Variants in IDS observed in about 807,000 individuals in gnomAD.
The protein encoded by IDS is alpha-L-iduronate sulfate sulfatase.
Under a neutral mutation model 33.5 loss-of-function variants are expected in IDS, and 1 was observed. That is an observed-to-expected ratio of 0.03 (90% CI 0.01 to 0.14). The LOEUF is 0.14. Ranked by LOEUF, IDS falls within the 10% of genes least tolerant of loss-of-function variation. The probability of loss-of-function intolerance (pLI) is 1.00; values close to 1 mark genes in which losing one functional copy is unlikely to be tolerated. For missense variants in IDS, 328 were observed against 448.0 expected (o/e 0.73, Z 2.42); for synonymous variants, 191 against 184.4 (o/e 1.04, Z -0.29).
At chrX:149,495,985 G>A (rs782150738) in intron 6 of IDS, among the ~76,000 whole-genome samples, 17 of 112,322 alleles carry the variant, frequency 1.5e-4, no homozygotes, top group African/African-American at 5.5e-4. Flanking sequence ...TGGGCTGCTC[G>A]GGAGTTGCCC....
chrX:149,493,246 CAGAA>C (rs1269548770), intron 6 of IDS, among the ~76,000 whole-genome samples: 2 of 112,237 alleles, frequency 1.8e-5, no homozygotes, highest in Admixed American at 1.9e-4. Context: ...GTGGCAGACA[CAGAA>C]AGGATTGGGA....
intron 6 of IDS, chrX:149,491,735 A>G: frequency 1.2e-6 from 1 of 846,130 alleles, no homozygotes; most frequent in Non-Finnish European, 1.6e-6. Context: ...TTCCTATGCT[A>G]GCCCCTGGAC....
chrX:149,505,256 A>C lies in IDS; in HGVS notation c.-119T>G. ...GTCGGGAACCCATGAAGACTGCGCA[A>C]CACAGCCGCCGCCCGGGCCCGCAGG... is the stretch of plus-strand genomic sequence containing the variant. On this transcript the variant is annotated 5_prime_UTR_variant, in exon 1 of 9. Coordinates refer to ENST00000340855, the MANE Select transcript of IDS (RefSeq NM_000202.8). 1 of 390,740 alleles carries C rather than the reference A, an allele frequency of 2.6e-6. No individual in the cohort carries two copies. The highest frequency in any genetic ancestry group is 4.1e-6 in the Non-Finnish European group (1 of 242,471). The allele number at this position is 390,740 out of a possible 1,213,427, so 32.2% of individuals were successfully genotyped here. A position where few individuals can be genotyped will look rare whatever the true frequency, so the allele number is the denominator to read the frequency against.
Position 149,482,922 on chromosome X carries a change from G to T in IDS, c.1477C>A (p.Arg493Ser). The change falls in exon 9 of 9, where the codon CGC becomes AGC. Residue 493 changes from arginine to serine, a missense_variant. This residue lies in a region of IDS where 265 missense variants were observed against 339.2 expected (regional missense o/e 0.78). Coordinates refer to ENST00000340855, the MANE Select transcript of IDS (RefSeq NM_000202.8). ...ACAGTATACCTATAGTCTATGGTGC[G>T]TATGGAATAGCCCATGATCTTTATA... ...KDIKIMGYSI[R>S]TIDYRYTVWV... 8.3e-7 allele frequency: 1 copy of T among 1,211,322 alleles called. No homozygotes were observed. Among genetic ancestry groups the T allele is most frequent in the Non-Finnish European group, 1.1e-6 (1 of 895,085 alleles).
At chrX:149,501,145 G>A in intron 3 of IDS, 108 bp from the exon 4 acceptor site, 1 of 514,166 alleles carries the variant, frequency 1.9e-6, no homozygotes. Flanking sequence ...CCTTCTTTGG[G>A]GCTCAGTTTC....
In IDS at chrX:149,479,589, A is replaced by C. The variant is rs1379576218; in HGVS notation, c.*3157T>G. ...TATTTACAATACTGAAAATCTGGAAATAGCCTAAATTTCTAACAATTGAAA... is the reference window on the plus strand; with the variant it reads ...TATTTACAATACTGAAAATCTGGAACTAGCCTAAATTTCTAACAATTGAAA... On this transcript the variant is annotated 3_prime_UTR_variant, in exon 9 of 9. Coordinates refer to ENST00000340855, the MANE Select transcript of IDS (RefSeq NM_000202.8). 6 of 112,303 alleles carry C rather than the reference A, an allele frequency of 5.3e-5. No individual in the cohort carries two copies. Among genetic ancestry groups the C allele is most frequent in the African/African-American group, 1.9e-4 (6 of 30,858 alleles). The allele number at this position is 112,303 out of a possible 1,213,427, so 9.3% of individuals were successfully genotyped here.
chrX:149,504,340 G>C (rs782626325), intron 1 of IDS, 47 bp from the exon 2 acceptor site: 3 of 1,159,147 alleles, frequency 2.6e-6, no homozygotes, highest in Middle Eastern at 2.4e-4. Flanking sequence ...CACTGACACT[G>C]AACCCTCCCT....
intron 2 of IDS, 43 bp downstream of exon 2, chrX:149,504,114 C>A (rs1244004900): frequency 1.7e-6 from 2 of 1,162,468 alleles, no homozygotes; most frequent in Non-Finnish European, 2.3e-6. Context: ...ACCCTCAGTG[C>A]ACGAAGCAGC....
rs1285123166 is a variant in IDS, at chrX:149,477,181, G to A, written c.*5565C>T. 5 of 112,370 alleles carry A rather than the reference G, an allele frequency of 4.4e-5. No homozygotes were observed. The highest frequency in any genetic ancestry group is 1.6e-4 in the African/African-American group (5 of 30,881). 9.3% of individuals were successfully genotyped at this position (112,370 alleles called of 1,213,427 possible). A position where few individuals can be genotyped will look rare whatever the true frequency, so the allele number is the denominator to read the frequency against. On this transcript the variant is annotated 3_prime_UTR_variant, in exon 9 of 9. Transcript: ENST00000340855. ...TACAATAAATTAGGGCAAGGGGTTTGTAAATGGCAGCTTCAGTCCTACTCC... is the reference window on the plus strand; with the variant it reads ...TACAATAAATTAGGGCAAGGGGTTTATAAATGGCAGCTTCAGTCCTACTCC...
chrX:149,504,514 G>A (rs976599455), intron 1 of IDS, among the ~76,000 whole-genome samples: 4 of 111,596 alleles, frequency 3.6e-5, no homozygotes, highest in Non-Finnish European at 7.5e-5. Flanking sequence ...TCCAACCTGG[G>A]TGAGGAAGCG....
Position 149,479,349 on chromosome X carries a change from C to T in IDS, c.*3397G>A, listed in dbSNP as rs1456977758. 2 of 112,597 alleles carry T rather than the reference C, an allele frequency of 1.8e-5. No individual in the cohort carries two copies. The highest frequency in any genetic ancestry group is 3.6e-4 in the South Asian group (1 of 2,744). The allele number at this position is 112,597 out of a possible 1,213,427, so 9.3% of individuals were successfully genotyped here. A position where few individuals can be genotyped will look rare whatever the true frequency, so the allele number is the denominator to read the frequency against. ...AAGTTAAAACAGGTTACCACTTTCACCTATTACCATCAGGTTGCTTATTTT... is the reference window on the plus strand; with the variant it reads ...AAGTTAAAACAGGTTACCACTTTCATCTATTACCATCAGGTTGCTTATTTT... On this transcript the variant is annotated 3_prime_UTR_variant, in exon 9 of 9. Transcript: ENST00000340855.
Position 149,496,556 on chromosome X carries a change from T to C in IDS, c.709-40A>G, listed in dbSNP as rs782125294. Reference sequence around the variant, plus strand: ...CAAAGCCACAAAGTTGTCACTCTTTTAGCAAAAGCACAAGCTTGTGGCTCT... The same window carrying C: ...CAAAGCCACAAAGTTGTCACTCTTTCAGCAAAAGCACAAGCTTGTGGCTCT... On this transcript the variant is annotated intron_variant, in intron 5 of 8. Coordinates refer to ENST00000340855, the MANE Select transcript of IDS (RefSeq NM_000202.8). 3.2e-5 allele frequency: 38 copies of C among 1,174,594 alleles called. No homozygotes were observed. The Admixed American group carries it at 6.3e-4, about 20-fold the overall frequency.
At chrX:149,498,081 G>A (rs1185394353) in intron 5 of IDS, 26 bp downstream of exon 5, 21 of 1,161,360 alleles carry the variant, frequency 1.8e-5, no homozygotes, top group Non-Finnish European at 2.0e-5. Flanking sequence ...CAGCTGTGCT[G>A]GATCAGCCCT....
chrX:149,501,899 A>G (rs2089483251), intron 3 of IDS, among the ~76,000 whole-genome samples: 1 of 112,035 alleles, frequency 8.9e-6, no homozygotes, highest in Non-Finnish European at 1.9e-5. Context: ...CAGGAAGCCA[A>G]CAACCACAGG....
At chrX:149,484,955 G>C (rs189964204) in intron 8 of IDS, among the ~76,000 whole-genome samples, 1 of 111,951 alleles carries the variant, frequency 8.9e-6, no homozygotes, top group Admixed American at 9.5e-5. Context: ...TACTAGTAAC[G>C]CTGGCCATGA....
intron 2 of IDS, 77 bp from the exon 3 acceptor site, chrX:149,503,566 G>A (rs1305971372): frequency 2.0e-4 from 220 of 1,075,342 alleles, no homozygotes; most frequent in Non-Finnish European, 2.6e-4. Context: ...CCAAGCAACC[G>A]CCCTCCCGAG....
chrX:149,501,041 G>GA lies in IDS; in HGVS notation c.419-5_419-4insT. On this transcript the variant is annotated splice_region_variant and splice_polypyrimidine_tract_variant and intron_variant, in intron 3 of 8. Transcript: ENST00000340855. ...TCGGTATGGTTAGAAGATATCCCTT[G>GA]GAAAAAAAAAAAGGTTGTTAAAACA... The GA allele has an allele frequency of 9.1e-7, 1 of 1,095,843 alleles. No individual in the cohort carries two copies. Among genetic ancestry groups the GA allele is most frequent in the East Asian group, 3.0e-5 (1 of 33,381 alleles). The allele number at this position is 1,095,843 out of a possible 1,213,427, so 90.3% of individuals were successfully genotyped here. A position where few individuals can be genotyped will look rare whatever the true frequency, so the allele number is the denominator to read the frequency against.
chrX:149,487,151 G>A, intron 7 of IDS, 53 bp from the exon 8 acceptor site: 1 of 1,209,651 alleles, frequency 8.3e-7, no homozygotes, highest in Non-Finnish European at 1.1e-6. Flanking sequence ...TCATACCACA[G>A]CTTGTTTATT....
rs142809960 is a variant in IDS at position 149,480,671 on chromosome X, G to A, written c.*2075C>T. 4,876 of 199,409 alleles carry A rather than the reference G, an allele frequency of 0.024. 245 individuals are homozygous for A. Among genetic ancestry groups the A allele is most frequent in the African/African-American group, 0.13 (4,403 of 34,114 alleles). 16.4% of individuals were successfully genotyped at this position (199,409 alleles called of 1,213,427 possible). A position where few individuals can be genotyped will look rare whatever the true frequency, so the allele number is the denominator to read the frequency against. On this transcript the variant is annotated 3_prime_UTR_variant, in exon 9 of 9. Coordinates refer to ENST00000340855, the MANE Select transcript of IDS (RefSeq NM_000202.8). Reference sequence around the variant, plus strand: ...ACTTTTGTATTTTTAGTAGAGACGGGGTTTCACCATGTTGGCCAGGCTGGT... The same window carrying A: ...ACTTTTGTATTTTTAGTAGAGACGGAGTTTCACCATGTTGGCCAGGCTGGT...
Sources: gnomAD v4.1 joint callset for allele counts (sites outside exome capture counted in the v4.1 genomes callset) on GRCh38, gnomAD v4.1.1 for gene constraint, gnomAD v4.1.1 regional missense constraint, MANE v1.5 for transcripts, NCBI Gene and HGNC (gene_info 2026-07-23, HGNC 2026-07-21) for gene names.